RPTOR: variants seen among roughly 807,000 people sequenced by gnomAD.
RPTOR encodes regulatory associated protein of MTOR complex 1, also known as regulatory-associated protein of mTOR.
Under a neutral mutation model 169.9 loss-of-function variants are expected in RPTOR, and 21 were observed. The ratio of observed to expected loss-of-function variants is 0.12; its 90% CI spans 0.09 to 0.18. RPTOR has a LOEUF of 0.18. RPTOR is among the 10% of genes least tolerant of loss of function. The pLI, the probability that RPTOR is intolerant of heterozygous loss-of-function variation, is 1.00. For synonymous variants in RPTOR, 732 were observed against 753.2 expected (o/e 0.97, Z 0.46); for missense variants, 1,133 against 1,855.9 (o/e 0.61, Z 7.16).
intron 21 of RPTOR, among the ~76,000 whole-genome samples, chr17:80,921,872 C>T (rs1014129453): frequency 1.3e-5 from 2 of 152,210 alleles, no homozygotes; most frequent in Non-Finnish European, 2.9e-5. Flanking sequence ...GCCATGTCTG[C>T]CCTGGAGATG....
chr17:80,895,068 C>G (rs951116413), intron 20 of RPTOR, among the ~76,000 whole-genome samples: 10 of 152,244 alleles, frequency 6.6e-5, no homozygotes, highest in Non-Finnish European at 1.2e-4. Flanking sequence ...TGTCTGGGGA[C>G]AGTGAGGCCG....
At position 80,880,473 on chromosome 17, in the gene RPTOR, C is replaced by A; in HGVS notation, c.1568C>A (p.Ala523Glu). ...CACAAGTACTTCCTGTCGGTCCTGG[C>A]GGACCCCTACATGCCAGTAAGGACG... ...NGHKYFLSVL[A>E]DPYMPAEHRT... The change falls in exon 14 of 34, where the codon GCG (alanine) becomes GAG (glutamate). Residue 523 changes from alanine (A) to glutamate (E), a missense_variant. Ala to Glu is a moderately radical substitution (Grantham distance 107). This residue lies in a region of RPTOR where 289 missense variants were observed against 585.8 expected (regional missense o/e 0.49). Transcript: ENST00000306801. 6.2e-7 allele frequency: 1 copy of A among 1,613,598 alleles called. No individual in the cohort carries two copies. The highest frequency in any genetic ancestry group is 8.5e-7 in the Non-Finnish European group (1 of 1,179,950).
chr17:80,962,183 G>A (rs1489024086), intron 31 of RPTOR, among the ~76,000 whole-genome samples: 3 of 152,216 alleles, frequency 2.0e-5, no homozygotes, highest in African/African-American at 7.2e-5. Flanking sequence ...CCGCATCTGT[G>A]CTCATGGTCA....
intron 6 of RPTOR, among the ~76,000 whole-genome samples, chr17:80,790,142 C>T (rs546884141): frequency 2.0e-5 from 3 of 152,320 alleles, no homozygotes; most frequent in African/African-American, 7.2e-5. Context: ...CAGAGGAGAC[C>T]ACTCAGAGTG....
At chr17:80,892,183 C>T (rs1044131182) in intron 18 of RPTOR, among the ~76,000 whole-genome samples, 8 of 152,088 alleles carry the variant, frequency 5.3e-5, no homozygotes, top group African/African-American at 1.4e-4. Flanking sequence ...CTCTTGGCTC[C>T]GTGGCTCGGT....
Position 80,878,931 on chromosome 17 carries a change from C to T in RPTOR, c.1510-1484C>T, listed in dbSNP as rs990831636. 6.6e-6 allele frequency among the ~76,000 whole-genome samples: 1 copy of T among 152,170 alleles called. No homozygotes were observed. Among genetic ancestry groups the T allele is most frequent in the Non-Finnish European group, 1.5e-5 (1 of 68,030 alleles). ...TCCTCCAGGACGCCCACAGGACCCTCGGAAGCCCCTTCCTCTAGGGGCCCG... is the reference window on the plus strand; with the variant it reads ...TCCTCCAGGACGCCCACAGGACCCTTGGAAGCCCCTTCCTCTAGGGGCCCG... On this transcript the variant is annotated intron_variant, in intron 13 of 33. Transcript: ENST00000306801. This position sits in a 1 kb window ranked among gnomAD's most constrained non-coding sequence, Gnocchi z 4.1.
At chr17:80,828,185 C>T (rs56119556) in intron 9 of RPTOR, among the ~76,000 whole-genome samples, 23,113 of 152,170 alleles carry the variant, frequency 0.15, 1,903 homozygotes, top group Middle Eastern at 0.23. Context: ...GAAGCTTCCC[C>T]GGTGTCTGAA....
chr17:80,551,627 C>G (rs896483723), intron 1 of RPTOR, among the ~76,000 whole-genome samples: 3 of 152,222 alleles, frequency 2.0e-5, no homozygotes, highest in African/African-American at 4.8e-5. Flanking sequence ...GTAGATGGAA[C>G]GTACAATCGG....
intron 2 of RPTOR, among the ~76,000 whole-genome samples, chr17:80,642,814 G>T (rs991708922): frequency 6.6e-6 from 1 of 152,160 alleles, no homozygotes; most frequent in Non-Finnish European, 1.5e-5. Context: ...GTGTGAGGTA[G>T]GGGTTTCCAC....
chr17:80,940,429 C>A (rs888673937), intron 24 of RPTOR, 67 bp from the exon 25 acceptor site: 36 of 1,370,522 alleles, frequency 2.6e-5, no homozygotes, highest in Non-Finnish European at 3.4e-5. Flanking sequence ...GAACCCATAC[C>A]CCATTGATAC....
intron 6 of RPTOR, among the ~76,000 whole-genome samples, chr17:80,777,005 G>A (rs1459091200): frequency 1.3e-5 from 2 of 152,138 alleles, no homozygotes; most frequent in African/African-American, 4.8e-5. Flanking sequence ...TTGGGAGGAC[G>A]AGGTGGGCAG....
At chr17:80,811,731 TC>T (rs1348483788) in intron 7 of RPTOR, among the ~76,000 whole-genome samples, 10 of 46,358 alleles carry the variant, frequency 2.2e-4, no homozygotes, top group Middle Eastern at 0.016. Flanking sequence ...GGACACCGCC[TC>T]TCTCCAACAA....
rs2065746251 is a variant in RPTOR at position 80,664,219 on chromosome 17, A to G, written c.348+20409A>G. Among the ~76,000 whole-genome samples, 3 of 152,160 alleles carry G rather than the reference A, an allele frequency of 2.0e-5. No individual in the cohort carries two copies. In the South Asian group the frequency reaches 6.2e-4, roughly 31 times the overall value. On this transcript the variant is annotated intron_variant, in intron 3 of 33. Transcript: ENST00000306801. ...GGGGGCTGGGCTTCCAGACTCCTGAAATGTGCTGTGAGGCTTCCTATTCTT... is the reference window on the plus strand; with the variant it reads ...GGGGGCTGGGCTTCCAGACTCCTGAGATGTGCTGTGAGGCTTCCTATTCTT...
At chr17:80,729,411 T>C (rs1339462181) in intron 4 of RPTOR, among the ~76,000 whole-genome samples, 2 of 152,238 alleles carry the variant, frequency 1.3e-5, no homozygotes, top group Non-Finnish European at 2.9e-5. Flanking sequence ...GAAGAATTCC[T>C]TAAAAATGTT....
chr17:80,905,448 T>A (rs1265148926), intron 20 of RPTOR, among the ~76,000 whole-genome samples: 3 of 149,560 alleles, frequency 2.0e-5, no homozygotes, highest in Admixed American at 6.6e-5. Flanking sequence ...AAAAAAAAAT[T>A]AGCTGGGCGT....
intron 13 of RPTOR, among the ~76,000 whole-genome samples, chr17:80,864,320 G>C (rs1022958595): frequency 2.1e-5 from 3 of 145,876 alleles, no homozygotes; most frequent in African/African-American, 5.1e-5. Context: ...GAAAAGGTGA[G>C]AGTGACGGCA....
intron 6 of RPTOR, among the ~76,000 whole-genome samples, chr17:80,758,809 C>T (rs2066706199): frequency 2.6e-5 from 4 of 151,962 alleles, no homozygotes; most frequent in African/African-American, 9.7e-5. Context: ...TTGGTGCGAC[C>T]CTCTGGGGCA....
chr17:80,595,368 G>A (rs2065137325), intron 1 of RPTOR, among the ~76,000 whole-genome samples: 1 of 152,200 alleles, frequency 6.6e-6, no homozygotes, highest in Non-Finnish European at 1.5e-5. Flanking sequence ...AAACACTGTG[G>A]CTTTCCATTG....
intron 21 of RPTOR, among the ~76,000 whole-genome samples, chr17:80,917,652 G>A (rs775131646): frequency 7.9e-5 from 12 of 152,194 alleles, no homozygotes; most frequent in Non-Finnish European, 1.5e-4. Context: ...TTCTCTTCCA[G>A]TGATCTCAGC....
Sources: allele counts gnomAD v4.1 joint callset (sites outside exome capture counted in the v4.1 genomes callset), GRCh38; gene constraint gnomAD v4.1.1; regional missense constraint gnomAD v4.1.1; non-coding constraint Gnocchi (gnomAD v3.1); transcripts MANE v1.5; gene names NCBI Gene and HGNC (gene_info 2026-07-23, HGNC 2026-07-21).